RPS6KC1: variants seen among roughly 807,000 people sequenced by gnomAD.
The protein encoded by RPS6KC1 is ribosomal protein S6 kinase C1.
RPS6KC1 carries 54 observed loss-of-function variants against 103.8 expected under a neutral mutation model. The observed-to-expected ratio is 0.52, with a 90% CI of 0.42 to 0.65. The LOEUF (loss-of-function observed/expected upper bound fraction) is 0.65. Ranked by LOEUF, RPS6KC1 falls within the 30% of genes least tolerant of loss-of-function variation. RPS6KC1 has a pLI of 0.00. For missense variants in RPS6KC1, 1,151 were observed against 1,253.8 expected (o/e 0.92, Z 1.24); for synonymous variants, 439 against 438.7 (o/e 1.00, Z -0.01).
the RPS6KC1 span, among the ~76,000 whole-genome samples, chr1:213,800,134 G>C: frequency 6.6e-6 from 1 of 152,120 alleles, no homozygotes; most frequent in African/African-American, 2.4e-5. Flanking sequence ...TAGGGGGTTA[G>C]GGTTTCAACA....
the RPS6KC1 span, among the ~76,000 whole-genome samples, chr1:213,740,274 G>A: frequency 7.9e-5 from 12 of 152,192 alleles, no homozygotes; most frequent in Middle Eastern, 0.01. Context: ...AAAAATCACA[G>A]TATTAAAGTA....
the RPS6KC1 span, among the ~76,000 whole-genome samples, chr1:213,518,838 A>C: frequency 2.6e-5 from 4 of 152,178 alleles, no homozygotes; most frequent in Admixed American, 2.0e-4. Flanking sequence ...GTGTTTTCAC[A>C]TATGTGTATC....
chr1:213,166,176 CTG>C (rs1215674048), intron 6 of RPS6KC1, among the ~76,000 whole-genome samples: 6 of 151,402 alleles, frequency 4.0e-5, no homozygotes, highest in African/African-American at 1.5e-4. Flanking sequence ...CTTAAACACA[CTG>C]AATTAAAAAG....
the RPS6KC1 span, among the ~76,000 whole-genome samples, chr1:213,599,477 A>G: frequency 4.8e-5 from 7 of 147,368 alleles, no homozygotes; most frequent in African/African-American, 9.9e-5. Flanking sequence ...CGAGGGGGGG[A>G]AAAACATTCA....
the RPS6KC1 span, among the ~76,000 whole-genome samples, chr1:213,555,626 G>A: frequency 3.9e-5 from 6 of 152,100 alleles, no homozygotes; most frequent in African/African-American, 7.2e-5. Context: ...ATTACTAGTC[G>A]TGAATAGTAA....
chr1:213,764,809 A>C, the RPS6KC1 span, among the ~76,000 whole-genome samples: 1 of 152,210 alleles, frequency 6.6e-6, no homozygotes, highest in Non-Finnish European at 1.5e-5. Flanking sequence ...CTGCCTCTTC[A>C]AGAAAGGTTC....
intron 8 of RPS6KC1, among the ~76,000 whole-genome samples, chr1:213,223,826 A>C (rs888720046): frequency 5.3e-5 from 8 of 152,126 alleles, no homozygotes; most frequent in African/African-American, 1.9e-4. Context: ...CTATAGACTT[A>C]AGCATTATTT....
intron 6 of RPS6KC1, among the ~76,000 whole-genome samples, chr1:213,151,343 G>T (rs555943459): frequency 7.5e-6 from 1 of 133,242 alleles, no homozygotes; most frequent in South Asian, 2.4e-4. Flanking sequence ...GCCGGGCGGG[G>T]GGCTAACCCC....
At chr1:213,271,442 T>C (rs897750969) in intron 14 of RPS6KC1, among the ~76,000 whole-genome samples, 3 of 152,130 alleles carry the variant, frequency 2.0e-5, no homozygotes, top group African/African-American at 7.2e-5. Context: ...TAACTGTAGA[T>C]GGCATGAGGA....
the RPS6KC1 span, among the ~76,000 whole-genome samples, chr1:213,343,712 T>C: frequency 6.6e-6 from 1 of 151,762 alleles, no homozygotes; most frequent in Admixed American, 6.6e-5. Context: ...GCTTGGGTAG[T>C]GGGTGCACCA....
chr1:213,594,596 C>A, the RPS6KC1 span, among the ~76,000 whole-genome samples: 2 of 152,274 alleles, frequency 1.3e-5, no homozygotes, highest in South Asian at 4.1e-4. Context: ...CCACCTCAAT[C>A]TTCATAATAA....
chr1:213,444,102 G>A, the RPS6KC1 span, among the ~76,000 whole-genome samples: 1 of 152,080 alleles, frequency 6.6e-6, no homozygotes, highest in Non-Finnish European at 1.5e-5. Context: ...CTAGTTTCTG[G>A]TGGCTTGCTG....
the RPS6KC1 span, among the ~76,000 whole-genome samples, chr1:213,805,994 G>A: frequency 6.6e-6 from 1 of 152,286 alleles, no homozygotes; most frequent in Non-Finnish European, 1.5e-5. Context: ...CATTTTGAGA[G>A]GAATCTTTTT....
chr1:213,471,913 T>C, the RPS6KC1 span, among the ~76,000 whole-genome samples: 1 of 152,208 alleles, frequency 6.6e-6, no homozygotes, highest in Admixed American at 6.5e-5. Flanking sequence ...GACTTGGAGC[T>C]GAAAAGAGGG....
At chr1:213,297,198 C>T in the RPS6KC1 span, among the ~76,000 whole-genome samples, 24 of 152,312 alleles carry the variant, frequency 1.6e-4, no homozygotes, top group African/African-American at 5.1e-4. Context: ...GAAGTGCCCA[C>T]GCCCTTGCAG....
chr1:213,273,890 C>G lies in RPS6KC1; in HGVS notation c.*1256C>G, dbSNP rs948021916. On this transcript the variant is annotated 3_prime_UTR_variant, in exon 15 of 15. Coordinates refer to ENST00000366960, the MANE Select transcript of RPS6KC1 (RefSeq NM_012424.6). ...TCACTATTTCCAAGTTAGAAACCACCAGAAATAATTGAAATTTTTGATATG... is the reference window on the plus strand; with the variant it reads ...TCACTATTTCCAAGTTAGAAACCACGAGAAATAATTGAAATTTTTGATATG... The G allele has an allele frequency of 2.0e-5, 3 of 152,050 alleles. No homozygotes were observed. Among genetic ancestry groups the G allele is most frequent in the Non-Finnish European group, 4.4e-5 (3 of 68,026 alleles). The allele number at this position is 152,050 out of a possible 1,614,324, so 9.4% of individuals were successfully genotyped here.
chr1:213,804,017 A>G, the RPS6KC1 span, among the ~76,000 whole-genome samples: 56 of 151,764 alleles, frequency 3.7e-4, no homozygotes, highest in African/African-American at 1.2e-3. Flanking sequence ...TGTAAATGAC[A>G]AGTTAATGGG....
chr1:213,186,028 A>G (rs2148415868), intron 8 of RPS6KC1, among the ~76,000 whole-genome samples: 1 of 151,774 alleles, frequency 6.6e-6, no homozygotes, highest in Non-Finnish European at 1.5e-5. Context: ...GTTTAACATC[A>G]TCACCCCCAC....
the RPS6KC1 span, among the ~76,000 whole-genome samples, chr1:213,571,389 A>G: frequency 6.6e-6 from 1 of 152,118 alleles, no homozygotes; most frequent in South Asian, 2.1e-4. Context: ...AGAGGCGGAG[A>G]GGGCCTTGAG....
Sources: gnomAD v4.1 joint callset for allele counts (sites outside exome capture counted in the v4.1 genomes callset) on GRCh38, gnomAD v4.1.1 for gene constraint, MANE v1.5 for transcripts, NCBI Gene and HGNC (gene_info 2026-07-23, HGNC 2026-07-21) for gene names.